FRYL: variants seen among roughly 807,000 people sequenced by gnomAD.
The protein encoded by FRYL is FRY like transcription coactivator, also known as protein furry homolog-like.
A neutral mutation model predicts 351.2 loss-of-function variants in FRYL; 150 were observed. The observed-to-expected ratio is 0.43, with a 90% CI of 0.37 to 0.49. The LOEUF (loss-of-function observed/expected upper bound fraction) is 0.49. Ranked by LOEUF, FRYL falls within the 20% of genes least tolerant of loss-of-function variation. FRYL has a pLI of 0.00. For synonymous variants in FRYL, 1,153 were observed against 1,257.1 expected, an observed-to-expected ratio of 0.92 and a Z score of 1.75; for missense variants, 3,036 against 3,619.3, an observed-to-expected ratio of 0.84 and a Z score of 4.13.
chr4:48,616,279 A>C (rs1479791488), intron 7 of FRYL, among the ~76,000 whole-genome samples: 1 of 152,172 alleles, frequency 6.6e-6, no homozygotes, highest in African/African-American at 2.4e-5. Flanking sequence ...AATGAGAATT[A>C]AGTTTATTTT....
At chr4:48,668,102 A>T (rs1762051420) in intron 3 of FRYL, among the ~76,000 whole-genome samples, 1 of 152,142 alleles carries the variant, frequency 6.6e-6, no homozygotes, top group African/African-American at 2.4e-5. Context: ...AGTTGTAGTA[A>T]AATGCAGCCA....
chr4:48,538,464 T>C (rs2148918892), intron 47 of FRYL, among the ~76,000 whole-genome samples: 1 of 152,330 alleles, frequency 6.6e-6, no homozygotes, highest in Middle Eastern at 3.4e-3. Context: ...CTCTTATTAA[T>C]GCTAATGGGA....
At chr4:48,563,105 G>T in intron 31 of FRYL, 117 bp from the exon 32 acceptor site, 1 of 623,722 alleles carries the variant, frequency 1.6e-6, no homozygotes, top group East Asian at 2.8e-5. Context: ...AAGCCTATGA[G>T]GAGACTTGGT....
chr4:48,619,411 G>T, intron 6 of FRYL, 41 bp from the exon 7 acceptor site: 1 of 1,166,616 alleles, frequency 8.6e-7, no homozygotes, highest in South Asian at 1.7e-5. Flanking sequence ...TTAAGATTAT[G>T]ACTTTAAAAA....
At chr4:48,679,966 T>C (rs73815314) in intron 3 of FRYL, among the ~76,000 whole-genome samples, 371 of 152,192 alleles carry the variant, frequency 2.4e-3, no homozygotes, top group African/African-American at 8.7e-3. Context: ...CTATAAGGAA[T>C]TGAATAAATC....
At chr4:48,657,353 CTTTTTTTTTT>C (rs371640944) in intron 3 of FRYL, among the ~76,000 whole-genome samples, 2 of 122,382 alleles carry the variant, frequency 1.6e-5, no homozygotes, top group Admixed American at 9.2e-5. Flanking sequence ...CTTTTCTTTT[CTTTTTTTTTT>C]TTTTTTTTTG....
intron 3 of FRYL, among the ~76,000 whole-genome samples, chr4:48,678,948 T>A (rs901607617): frequency 3.3e-5 from 5 of 151,780 alleles, no homozygotes; most frequent in African/African-American, 1.2e-4. Context: ...AGATAGTCTT[T>A]AAAAAAAAGA....
At chr4:48,597,921 T>C (rs1177068985) in intron 13 of FRYL, among the ~76,000 whole-genome samples, 1 of 152,194 alleles carries the variant, frequency 6.6e-6, no homozygotes, top group South Asian at 2.1e-4. Context: ...TCATCCTAAA[T>C]TTATCTGAGC....
intron 1 of FRYL, among the ~76,000 whole-genome samples, chr4:48,769,015 T>C (rs1474237323): frequency 6.6e-6 from 1 of 151,962 alleles, no homozygotes; most frequent in Non-Finnish European, 1.5e-5. Flanking sequence ...TGCAGGCCTG[T>C]AGTCTCAGCT....
At chr4:48,596,089 T>A in intron 13 of FRYL, 89 bp from the exon 14 acceptor site, 3 of 840,926 alleles carry the variant, frequency 3.6e-6, no homozygotes, top group Non-Finnish European at 5.7e-6. Flanking sequence ...TAAAAGCCAA[T>A]CTTTTTTGTA....
intron 3 of FRYL, among the ~76,000 whole-genome samples, chr4:48,656,092 A>C (rs1484596825): frequency 7.9e-6 from 1 of 125,930 alleles, no homozygotes; most frequent in Non-Finnish European, 1.6e-5. Context: ...AATTTTATAT[A>C]ATGTATATAT....
rs150578489 is a variant in FRYL at position 48,722,679 on chromosome 4, G to T, written c.-383-11981C>A. 1.9e-4 allele frequency among the ~76,000 whole-genome samples: 29 copies of T among 152,320 alleles called. No individual in the cohort carries two copies. In the East Asian group the frequency reaches 5.4e-3, roughly 28 times the overall value. ...ACAAAATAATGTTATCTTCACTGAT[G>T]TAACAAAAAGTCAGTGGTTTCCTTT... On this transcript the variant is annotated intron_variant, in intron 1 of 63. Coordinates refer to ENST00000358350, the MANE Select transcript of FRYL (RefSeq NM_015030.2).
intron 3 of FRYL, among the ~76,000 whole-genome samples, chr4:48,656,433 CAT>C (rs900185729): frequency 2.7e-5 from 1 of 36,852 alleles, no homozygotes; most frequent in Non-Finnish European, 4.8e-5. Context: ...AATGTATAAT[CAT>C]GTGTGTATAA....
intron 1 of FRYL, among the ~76,000 whole-genome samples, chr4:48,714,206 A>T (rs1218361243): frequency 6.6e-6 from 1 of 152,114 alleles, no homozygotes; most frequent in Admixed American, 6.5e-5. Flanking sequence ...ATCACAATTA[A>T]AAGAACTAGA....
At chr4:48,609,622 G>A (rs374161677) in intron 8 of FRYL, 122 bp downstream of exon 8, 96 of 364,912 alleles carry the variant, frequency 2.6e-4, no homozygotes, top group Non-Finnish European at 2.3e-4. Flanking sequence ...CTTGCCTCAA[G>A]AAAAAAAAAA....
intron 2 of FRYL, among the ~76,000 whole-genome samples, chr4:48,689,338 A>C (rs1488409775): frequency 2.0e-5 from 3 of 152,216 alleles, no homozygotes; most frequent in Non-Finnish European, 4.4e-5. Context: ...TACACTGATG[A>C]ATGAATATGT....
chr4:48,595,160 G>A (rs963119778), intron 15 of FRYL, among the ~76,000 whole-genome samples: 50 of 152,316 alleles, frequency 3.3e-4, no homozygotes, highest in African/African-American at 1.2e-3. Context: ...GGCCAAGGTA[G>A]CAGTTTCCTC....
rs1259118810 is a variant in FRYL, at chr4:48,546,132, A to T, written c.5214T>A (p.Asn1738Lys). Residue 1738 changes from asparagine to lysine, a missense_variant, in exon 42 of 64, where the codon AAT (asparagine) becomes AAA (lysine). Coordinates refer to ENST00000358350, the MANE Select transcript of FRYL (RefSeq NM_015030.2). ...AISHLHTTILNEVDISVEQDG... is the reference protein window; with the variant it reads ...AISHLHTTILKEVDISVEQDG... ...CCTGCTCCACTGAGATGTCAACCTC[A>T]TTGAGGATAGTGGTGTGCAGATGTG... is the stretch of plus-strand genomic sequence containing the variant. 1 of 1,613,794 alleles carries T rather than the reference A, an allele frequency of 6.2e-7. No individual in the cohort carries two copies. Among genetic ancestry groups the T allele is most frequent in the South Asian group, 1.1e-5 (1 of 91,032 alleles).
rs1479400169 is a variant in FRYL at position 48,499,482 on chromosome 4, T to C, written c.8982A>G (p.Gln2994=). Residue 2994 remains glutamine (Q), a synonymous_variant, in exon 64 of 64, where the codon CAA becomes CAG. Transcript: ENST00000358350. ...LEIRESLRMV[Q]SYQLLAQAKP... ...TGGCCTGTGCTAGAAGTTGGTATGA[T>C]TGCACCATGCGTAGAGACTCTCTTA... 1.8e-5 allele frequency: 29 copies of C among 1,614,042 alleles called. No homozygotes were observed. Among genetic ancestry groups the C allele is most frequent in the Non-Finnish European group, 2.3e-5 (27 of 1,179,900 alleles).
Sources: gnomAD v4.1 joint callset for allele counts (sites outside exome capture counted in the v4.1 genomes callset) on GRCh38, gnomAD v4.1.1 for gene constraint, MANE v1.5 for transcripts, NCBI Gene and HGNC (gene_info 2026-07-23, HGNC 2026-07-21) for gene names.